PAIP1: variants seen among roughly 807,000 people sequenced by gnomAD.
The protein encoded by PAIP1 is polyadenylate-binding protein-interacting protein 1.
PAIP1 carries 16 observed loss-of-function variants against 61.3 expected under a neutral mutation model. That is an observed-to-expected ratio of 0.26 (90% confidence interval 0.18 to 0.40). PAIP1 has a LOEUF of 0.40. Ranked by LOEUF, PAIP1 falls within the 10% of genes least tolerant of loss-of-function variation. The probability of loss-of-function intolerance (pLI) is 1.00; values close to 1 mark genes in which losing one functional copy is unlikely to be tolerated. For synonymous variants in PAIP1, 187 were observed against 226.2 expected (o/e 0.83, Z 1.56); for missense variants, 416 against 600.9 (o/e 0.69, Z 3.22).
In PAIP1 at chr5:43,556,598, C is replaced by T. The variant is rs766653226; in HGVS notation, c.249G>A (p.Arg83=). 7.7e-5 allele frequency: 97 copies of T among 1,254,242 alleles called. No homozygotes were observed. Among genetic ancestry groups the T allele is most frequent in the Non-Finnish European group, 9.0e-5 (90 of 995,558 alleles). The allele number at this position is 1,254,242 out of a possible 1,614,324, so 77.7% of individuals were successfully genotyped here. A position where few individuals can be genotyped will look rare whatever the true frequency, so the allele number is the denominator to read the frequency against. ...EVPASPQRPS[R]PGALPEQTRP... is the part of the protein sequence containing the mutation. ...GCTCCGTACCTGGGAGCGCCCCGGG[C>T]CGGGAAGGCCGCTGGGGGCTGGCGG... The change falls in exon 1 of 11, where the codon CGG becomes CGA. Residue 83 remains arginine (R), a synonymous_variant. Transcript: ENST00000306846.
At position 43,547,849 on chromosome 5, in the gene PAIP1, T is replaced by C; in HGVS notation, c.500A>G (p.Asn167Ser). ...TLSEYVQDFLNHLTEQPGSFE... is the reference protein window; with the variant it reads ...TLSEYVQDFLSHLTEQPGSFE... ...ACTGCCAGGCTGCTCTGTAAGATGA[T>C]TCAAAAAATCCTGAACATATTCTGA... The change falls in exon 3 of 11, where the codon AAT (asparagine) becomes AGT (serine). Residue 167 changes from asparagine (N) to serine (S), a missense_variant. Asn to Ser is a conservative substitution (Grantham distance 46). Around this residue, in one of 4 missense-constraint regions of PAIP1, gnomAD observed 180 missense variants for 211.2 expected, o/e 0.85. Coordinates refer to ENST00000306846, the MANE Select transcript of PAIP1 (RefSeq NM_006451.5). 2 of 1,612,262 alleles carry C rather than the reference T, an allele frequency of 1.2e-6. No individual in the cohort carries two copies. The highest frequency in any genetic ancestry group is 1.1e-5 in the South Asian group (1 of 91,010).
At chr5:43,541,513 G>T in intron 4 of PAIP1, among the ~76,000 whole-genome samples, 1 of 148,936 alleles carries the variant, frequency 6.7e-6, no homozygotes, top group African/African-American at 2.5e-5. Context: ...GAGTGAGATG[G>T]GAACTCATCT....
At chr5:43,528,173 G>A (rs993441579) in intron 10 of PAIP1, among the ~76,000 whole-genome samples, 3 of 152,082 alleles carry the variant, frequency 2.0e-5, no homozygotes, top group African/African-American at 4.8e-5. Flanking sequence ...TATGCATTAC[G>A]ATCATCTTCA....
intron 5 of PAIP1, among the ~76,000 whole-genome samples, chr5:43,538,648 T>G (rs1579913667): frequency 6.6e-6 from 1 of 152,214 alleles, no homozygotes; most frequent in Admixed American, 6.5e-5. Context: ...TGTTGATATC[T>G]CAAGAACTTA....
intron 3 of PAIP1, among the ~76,000 whole-genome samples, chr5:43,546,624 A>G (rs1281733990): frequency 6.6e-6 from 1 of 152,214 alleles, no homozygotes; most frequent in Non-Finnish European, 1.5e-5. Flanking sequence ...CTCTTGTAAC[A>G]GTGACTTAAA....
Position 43,547,811 on chromosome 5 carries a change from T to C in PAIP1, c.538A>G (p.Ile180Val). 1 of 1,611,212 alleles carries C rather than the reference T, an allele frequency of 6.2e-7. No individual in the cohort carries two copies. Residue 180 changes from isoleucine to valine, a missense_variant, in exon 3 of 11, where the codon ATT (isoleucine) becomes GTT (valine). This residue lies in a region of PAIP1 where 180 missense variants were observed against 211.2 expected (regional missense o/e 0.85). Coordinates refer to ENST00000306846, the MANE Select transcript of PAIP1 (RefSeq NM_006451.5). ...TEQPGSFETE[I>V]EQFAETLNGC... ...TTCAGGGTCTCTGCAAACTGTTCAA[T>C]TTCAGTTTCAAAACTGCCAGGCTGC...
At position 43,556,717 on chromosome 5, in the gene PAIP1, G is replaced by T. The variant is rs1287709801; in HGVS notation, c.130C>A (p.Gln44Lys). Residue 44 changes from glutamine (Q) to lysine (K), a missense_variant, in exon 1 of 11, where the codon CAG (glutamine) becomes AAG (lysine). Coordinates refer to ENST00000306846, the MANE Select transcript of PAIP1 (RefSeq NM_006451.5). ...GAGPAERARHQPPQPKAPGFL... is the reference protein window; with the variant it reads ...GAGPAERARHKPPQPKAPGFL... ...CCCGGGGCTTTGGGTTGCGGCGGCT[G>T]GTGCCGCGCCCGCTCAGCAGGCCCC... 9 of 1,336,174 alleles carry T rather than the reference G, an allele frequency of 6.7e-6. No individual in the cohort carries two copies. The highest frequency in any genetic ancestry group is 7.6e-6 in the Non-Finnish European group (8 of 1,047,964). The allele number at this position is 1,336,174 out of a possible 1,614,324, so 82.8% of individuals were successfully genotyped here. A position where few individuals can be genotyped will look rare whatever the true frequency, so the allele number is the denominator to read the frequency against.
At chr5:43,556,044 T>C (rs767411034) in intron 1 of PAIP1, 45 bp from the exon 2 acceptor site, 1 of 1,588,994 alleles carries the variant, frequency 6.3e-7, no homozygotes. Context: ...TTCTTTCCTT[T>C]GTACAGCAAC....
At chr5:43,555,721 A>T (rs892241223) in intron 2 of PAIP1, 109 bp downstream of exon 2, 16 of 817,858 alleles carry the variant, frequency 2.0e-5, no homozygotes, top group African/African-American at 3.5e-5. Context: ...CAATAAAAAA[A>T]TTTTTTTACG....
chr5:43,557,141 GC>G (rs2111620673), upstream of PAIP1: 2 of 339,680 alleles, frequency 5.9e-6, no homozygotes, highest in Non-Finnish European at 9.8e-6. Flanking sequence ...GGTCACAGCG[GC>G]CCCCTGCGGC....
chr5:43,544,018 C>A (rs1747531043), intron 3 of PAIP1, among the ~76,000 whole-genome samples: 1 of 151,960 alleles, frequency 6.6e-6, no homozygotes, highest in Admixed American at 6.6e-5. Flanking sequence ...GTAGCATGCA[C>A]CGTAGTCCCA....
intron 7 of PAIP1, 108 bp from the exon 8 acceptor site, chr5:43,535,078 T>TTAATTTAACA: frequency 1.5e-6 from 1 of 681,392 alleles, no homozygotes. Context: ...CAGGTACATC[T>TTAATTTAACA]GATGCCTTGA....
At chr5:43,545,115 A>G (rs1747583140) in intron 3 of PAIP1, among the ~76,000 whole-genome samples, 1 of 152,208 alleles carries the variant, frequency 6.6e-6, no homozygotes, top group African/African-American at 2.4e-5. Context: ...AGTTTTTACT[A>G]CACTTTTATA....
chr5:43,543,244 T>C (rs1444753758), intron 3 of PAIP1, 128 bp from the exon 4 acceptor site: 5 of 417,518 alleles, frequency 1.2e-5, no homozygotes, highest in Middle Eastern at 6.4e-4. Flanking sequence ...TCTTTTGTCA[T>C]TGTTAGGCTT....
chr5:43,554,804 C>A (rs946743263), intron 2 of PAIP1, among the ~76,000 whole-genome samples: 7 of 152,120 alleles, frequency 4.6e-5, no homozygotes, highest in African/African-American at 1.7e-4. Context: ...TACCCTAAGT[C>A]CCAGCAACTC....
intron 4 of PAIP1, among the ~76,000 whole-genome samples, chr5:43,539,764 A>G (rs920031798): frequency 1.3e-5 from 2 of 152,238 alleles, no homozygotes; most frequent in African/African-American, 4.8e-5. Context: ...CATAGTTCCT[A>G]CAAGGTAACT....
intron 2 of PAIP1, among the ~76,000 whole-genome samples, chr5:43,553,247 G>C (rs1951113549): frequency 6.6e-6 from 1 of 152,176 alleles, no homozygotes; most frequent in Non-Finnish European, 1.5e-5. Flanking sequence ...GACATGGAAA[G>C]TAGGAAATTC....
chr5:43,547,687 G>C, intron 3 of PAIP1, 41 bp downstream of exon 3: 1 of 1,345,908 alleles, frequency 7.4e-7, no homozygotes, highest in Non-Finnish European at 1.0e-6. Context: ...GGGCTTCAAG[G>C]AAGCTATCTG....
chr5:43,527,513 CAGAA>C, intron 10 of PAIP1, 44 bp from the exon 11 acceptor site: 2 of 1,514,898 alleles, frequency 1.3e-6, no homozygotes, highest in Non-Finnish European at 1.8e-6. Flanking sequence ...TTTTTCAACT[CAGAA>C]AGTAAGATGC....
Sources: gnomAD v4.1 joint callset for allele counts (sites outside exome capture counted in the v4.1 genomes callset) on GRCh38, gnomAD v4.1.1 for gene constraint, gnomAD v4.1.1 regional missense constraint, MANE v1.5 for transcripts, NCBI Gene and HGNC (gene_info 2026-07-23, HGNC 2026-07-21) for gene names.